Variants in FTSJ3 observed in about 807,000 individuals in gnomAD.
FTSJ3 encodes pre-rRNA 2'-O-ribose RNA methyltransferase FTSJ3.
Under a neutral mutation model 111.5 loss-of-function variants are expected in FTSJ3, and 46 were observed. The ratio of observed to expected loss-of-function variants is 0.41; its 90% CI spans 0.33 to 0.53. FTSJ3 has a LOEUF of 0.53. FTSJ3 is among the 20% of genes least tolerant of loss of function. The pLI is 0.19. For missense variants in FTSJ3, 1,075 were observed against 1,063.8 expected (o/e 1.01, Z -0.15); for synonymous variants, 408 against 383.0 (o/e 1.07, Z -0.76).
rs1168225893 is a variant in FTSJ3 at position 63,827,404 on chromosome 17, T to C, written c.-379A>G. 1.9e-6 allele frequency: 3 copies of C among 1,541,692 alleles called. No homozygotes were observed. ...CGCCCATTGACCCGGAATTCTTCTCTGCCTGGTCTTCAGGTCCCAATCCTC... is the reference window on the plus strand; with the variant it reads ...CGCCCATTGACCCGGAATTCTTCTCCGCCTGGTCTTCAGGTCCCAATCCTC... On this transcript the variant is annotated 5_prime_UTR_variant, in exon 1 of 21. Coordinates refer to ENST00000427159, the MANE Select transcript of FTSJ3 (RefSeq NM_017647.4).
chr17:63,825,059 T>C lies in FTSJ3; in HGVS notation c.700A>G (p.Lys234Glu). 1 of 1,613,948 alleles carries C rather than the reference T, an allele frequency of 6.2e-7. No homozygotes were observed. Among genetic ancestry groups the C allele is most frequent in the Admixed American group, 1.7e-5 (1 of 60,020 alleles). Residue 234 changes from lysine to glutamate, a missense_variant, in exon 8 of 21, where the codon AAG (lysine) becomes GAG (glutamate). Physicochemically the swap from Lys to Glu is moderately conservative, Grantham distance 56 (BLOSUM62 1). Transcript: ENST00000427159. ...TCCCCAAAACACACCTTTGGCTTCT[T>C]CTTAGTAACCAATTCAGTAACGGTC... ...AKTVTELVTK[K>E]KPKAEGYAEG...
chr17:63,821,388 T>G lies in FTSJ3; in HGVS notation c.1852A>C (p.Ser618Arg), dbSNP rs1487685549. Residue 618 changes from serine to arginine, a missense_variant, in exon 16 of 21, where the codon AGT (serine) becomes CGT (arginine). Physicochemically the swap from Ser to Arg is moderately radical, Grantham distance 110. Around this residue, in one of 2 missense-constraint regions of FTSJ3, gnomAD observed 867 missense variants for 796.9 expected, o/e 1.09. Coordinates refer to ENST00000427159, the MANE Select transcript of FTSJ3 (RefSeq NM_017647.4). Reference protein sequence around the residue: ...EGEEKDGISDSDSSTSSEEEE... With the variant: ...EGEEKDGISDRDSSTSSEEEE... Reference sequence around the variant, plus strand: ...TCCTCACTGCTAGTACTGCTATCACTGTCTGAGATGCCATCCTTTTCTTCC... The same window carrying G: ...TCCTCACTGCTAGTACTGCTATCACGGTCTGAGATGCCATCCTTTTCTTCC... The G allele has an allele frequency of 6.2e-7, 1 of 1,613,678 alleles. No homozygotes were observed. The highest frequency in any genetic ancestry group is 1.1e-5 in the South Asian group (1 of 90,996).
At chr17:63,823,594 C>G (rs1397506945) in intron 13 of FTSJ3, 1 of 380,136 alleles carries the variant, frequency 2.6e-6, no homozygotes, top group Non-Finnish European at 4.7e-6. Context: ...GACTCCGTCT[C>G]AAAAAAAAAA....
intron 5 of FTSJ3, 21 bp from the exon 6 acceptor site, chr17:63,825,656 T>G: frequency 6.3e-7 from 1 of 1,595,768 alleles, no homozygotes; most frequent in South Asian, 1.1e-5. Context: ...GAAAAGGAAC[T>G]ATGGAAACAG....
Position 63,821,090 on chromosome 17 carries a change from G to C in FTSJ3, c.1912C>G (p.Arg638Gly), listed in dbSNP as rs1357453628. The change falls in exon 17 of 21, where the codon CGA becomes GGA. Residue 638 changes from arginine to glycine, a missense_variant. By Grantham distance (125) the Arg-to-Gly change is moderately radical. Transcript: ENST00000427159. The part of the protein sequence containing the change: ...ESWEPLRGKK[R>G]SRGPKSDDDG... ...TCATCTGACTTAGGCCCACGGCTTCGCTTCTTACCACGGAGGGGTTCCCAG... is the reference window on the plus strand; with the variant it reads ...TCATCTGACTTAGGCCCACGGCTTCCCTTCTTACCACGGAGGGGTTCCCAG... 1 of 1,614,084 alleles carries C rather than the reference G, an allele frequency of 6.2e-7. No homozygotes were observed. Among genetic ancestry groups the C allele is most frequent in the Non-Finnish European group, 8.5e-7 (1 of 1,180,004 alleles).
chr17:63,824,762 CA>C (rs924263622), intron 9 of FTSJ3, 25 bp from the exon 10 acceptor site: 5 of 1,607,854 alleles, frequency 3.1e-6, no homozygotes, highest in Middle Eastern at 1.6e-4. Flanking sequence ...GGAAAGGTGT[CA>C]GGGGAGATCC....
In FTSJ3 at chr17:63,823,925, C is replaced by G; in HGVS notation, c.1182G>C (p.Gln394His). ...KRKKKKLLRE[Q>H]RKQRERVELK... ...GCTCCACACGCTCCCGCTGCTTTCT[C>G]TGCTCACGCAACAGCTTCTTTTTCT... is the stretch of plus-strand genomic sequence containing the variant. The change falls in exon 13 of 21, where the codon CAG (glutamine) becomes CAC (histidine). Residue 394 changes from glutamine to histidine, a missense_variant. By Grantham distance (24) the Gln-to-His change is conservative. Transcript: ENST00000427159. 6.2e-7 allele frequency: 1 copy of G among 1,614,260 alleles called. No homozygotes were observed. Among genetic ancestry groups the G allele is most frequent in the Non-Finnish European group, 8.5e-7 (1 of 1,180,048 alleles).
intron 5 of FTSJ3, 173 bp downstream of exon 5, chr17:63,825,883 T>G: frequency 1.5e-6 from 1 of 651,444 alleles, no homozygotes; most frequent in South Asian, 1.9e-5. Flanking sequence ...CCTTTATCCC[T>G]GACTCTAAAT....
chr17:63,824,912 C>T lies in FTSJ3; in HGVS notation c.729G>A (p.Glu243=). 6.3e-7 allele frequency: 1 copy of T among 1,586,492 alleles called. No individual in the cohort carries two copies. Among genetic ancestry groups the T allele is most frequent in the African/African-American group, 1.3e-5 (1 of 74,434 alleles). Reference sequence around the variant, plus strand: ...TACGGTGATAGAGAGTGAGGTCACCCTCAGCATAGCCTTCAGCCTTAGGAA... The same window carrying T: ...TACGGTGATAGAGAGTGAGGTCACCTTCAGCATAGCCTTCAGCCTTAGGAA... ...KKKPKAEGYA[E]GDLTLYHRTS... Residue 243 remains glutamate, a synonymous_variant, in exon 9 of 21, where the codon GAG becomes GAA. Coordinates refer to ENST00000427159, the MANE Select transcript of FTSJ3 (RefSeq NM_017647.4).
rs753249456 is a variant in FTSJ3 at position 63,824,627 on chromosome 17, C to G, written c.917+10G>C. 1.2e-6 allele frequency: 2 copies of G among 1,607,740 alleles called. No individual in the cohort carries two copies. Among genetic ancestry groups the G allele is most frequent in the Non-Finnish European group, 1.7e-6 (2 of 1,174,306 alleles). On this transcript the variant is annotated intron_variant, in intron 10 of 20. Coordinates refer to ENST00000427159, the MANE Select transcript of FTSJ3 (RefSeq NM_017647.4). ...GGGCTCCTGGCCCCCGTGCCTACCCCACTCCATACCTGAGCTCCTTGCGCC... is the reference window on the plus strand; with the variant it reads ...GGGCTCCTGGCCCCCGTGCCTACCCGACTCCATACCTGAGCTCCTTGCGCC...
intron 3 of FTSJ3, 83 bp from the exon 4 acceptor site, chr17:63,826,387 T>G: frequency 7.4e-7 from 1 of 1,358,052 alleles, no homozygotes; most frequent in South Asian, 1.2e-5. Context: ...TGGTGTTACG[T>G]GTACTGGCCA....
intron 3 of FTSJ3, 97 bp downstream of exon 3, chr17:63,826,470 G>A: frequency 1.6e-6 from 2 of 1,229,676 alleles, no homozygotes; most frequent in Non-Finnish European, 2.4e-6. Context: ...AAGAGGACCG[G>A]GATTCGGGTT....
chr17:63,826,546 C>T, intron 3 of FTSJ3, 21 bp downstream of exon 3: 1 of 1,597,972 alleles, frequency 6.3e-7, no homozygotes, highest in Non-Finnish European at 8.6e-7. Flanking sequence ...CCAGGAGCAA[C>T]CTGTGGCGAG....
chr17:63,826,704 T>G, intron 2 of FTSJ3, 32 bp from the exon 3 acceptor site: 1 of 1,584,100 alleles, frequency 6.3e-7, no homozygotes, highest in Non-Finnish European at 8.7e-7. Flanking sequence ...GCAAACTGCT[T>G]CACTAGTAGG....
At chr17:63,825,463 GCACTCTGCAGCCCAGGAGGGCAT>G (rs760420510) in intron 6 of FTSJ3, 27 bp from the exon 7 acceptor site, 1 of 1,612,834 alleles carries the variant, frequency 6.2e-7, no homozygotes, top group East Asian at 2.2e-5. Context: ...ATTAGTTGAC[GCACTCTGCAGCCCAGGAGGGCAT>G]GCGCCCACCT....
At position 63,824,174 on chromosome 17, in the gene FTSJ3, G is replaced by A; in HGVS notation, c.1064C>T (p.Pro355Leu). 1.2e-6 allele frequency: 2 copies of A among 1,613,954 alleles called. No individual in the cohort carries two copies. The highest frequency in any genetic ancestry group is 2.2e-5 in the East Asian group (1 of 44,864). ...EDSTAGTTKQPSKEEEEEEEE... is the reference protein window; with the variant it reads ...EDSTAGTTKQLSKEEEEEEEE... ...CTCCTCTTCCTCCTCCTCCTTAGAGGGCTGCTTTGTGGTTCCAGCTGTTGA... is the reference window on the plus strand; with the variant it reads ...CTCCTCTTCCTCCTCCTCCTTAGAGAGCTGCTTTGTGGTTCCAGCTGTTGA... Residue 355 changes from proline (P) to leucine (L), a missense_variant, in exon 12 of 21, where the codon CCC becomes CTC. Transcript: ENST00000427159.
At position 63,820,341 on chromosome 17, in the gene FTSJ3, C is replaced by A. The variant is rs761111756; in HGVS notation, c.2170G>T (p.Val724Leu). 6.8e-6 allele frequency: 11 copies of A among 1,613,994 alleles called. No individual in the cohort carries two copies. The African/African-American group carries it at 8.0e-5, about 12-fold the overall frequency. ...IRQLPVGKKE[V>L]EHYRKRWREI... is the part of the protein sequence containing the mutation. ...CGCCAGCGTTTCCGGTAATGCTCCA[C>A]CTCCTTCTTACCAACAGGCAACTGT... Residue 724 changes from valine (V) to leucine (L), a missense_variant, in exon 19 of 21, where the codon GTG becomes TTG. By Grantham distance (32) the Val-to-Leu change is conservative. Transcript: ENST00000427159.
Position 63,825,240 on chromosome 17 carries a change from A to G in FTSJ3, c.595+2T>C. 1 of 1,614,158 alleles carries G rather than the reference A, an allele frequency of 6.2e-7. No individual in the cohort carries two copies. The highest frequency in any genetic ancestry group is 2.2e-5 in the East Asian group (1 of 44,890). On this transcript the variant is annotated splice_donor_variant, in intron 7 of 20. Coordinates refer to ENST00000427159, the MANE Select transcript of FTSJ3 (RefSeq NM_017647.4). LOFTEE classifies it high-confidence loss of function. ...GATCAAGAGAAAGGAAATGATGCCC[A>G]CCTTGGCAGACTACAAAGATCTCTG...
chr17:63,821,202 G>C (rs2040047842), intron 16 of FTSJ3, 87 bp from the exon 17 acceptor site: 3 of 1,536,774 alleles, frequency 2.0e-6, no homozygotes, highest in Admixed American at 3.3e-5. Flanking sequence ...ATCCTGCCAT[G>C]CAGGCTGTAC....
Sources: allele counts gnomAD v4.1 joint callset, GRCh38; gene constraint gnomAD v4.1.1; regional missense constraint gnomAD v4.1.1; transcripts MANE v1.5; gene names NCBI Gene and HGNC (gene_info 2026-07-23, HGNC 2026-07-21).